The following TSPAN9 variants were observed in gnomAD, a reference collection of about 807,000 sequenced individuals.
The protein encoded by TSPAN9 is tetraspanin-9.
Under a neutral mutation model 31.0 loss-of-function variants are expected in TSPAN9, and 16 were observed. The ratio of observed to expected loss-of-function variants is 0.52; its 90% CI spans 0.35 to 0.78. The LOEUF is 0.78. TSPAN9 is among the 30% of genes least tolerant of loss of function. TSPAN9 has a pLI of 0.01. For missense variants in TSPAN9, 272 were observed against 312.5 expected, an observed-to-expected ratio of 0.87 and a Z score of 0.98; for synonymous variants, 145 against 121.6, an observed-to-expected ratio of 1.19 and a Z score of -1.27.
intron 2 of TSPAN9, among the ~76,000 whole-genome samples, chr12:3,182,278 AT>A (rs2098358898): frequency 6.6e-6 from 1 of 151,710 alleles, no homozygotes; most frequent in African/African-American, 2.4e-5. Flanking sequence ...GAAACTGCTA[AT>A]TTGCTAATTC....
chr12:3,266,719 C>T (rs564531346), intron 3 of TSPAN9, among the ~76,000 whole-genome samples: 25 of 152,310 alleles, frequency 1.6e-4, no homozygotes, highest in South Asian at 6.2e-4. Flanking sequence ...GAGAGACCTG[C>T]GCTGAGCCAT....
intron 3 of TSPAN9, among the ~76,000 whole-genome samples, chr12:3,269,877 CT>C (rs1862640771): frequency 6.6e-6 from 1 of 152,244 alleles, no homozygotes; most frequent in Admixed American, 6.5e-5. Flanking sequence ...CCAGGATGGG[CT>C]TGATTGGGAA....
intron 2 of TSPAN9, among the ~76,000 whole-genome samples, chr12:3,133,027 C>G (rs1396017283): frequency 6.6e-6 from 1 of 152,216 alleles, no homozygotes; most frequent in African/African-American, 2.4e-5. Flanking sequence ...TGGAGTATGA[C>G]TTGAAGGCAC....
At chr12:3,220,586 G>C (rs923619828) in intron 3 of TSPAN9, among the ~76,000 whole-genome samples, 2 of 152,240 alleles carry the variant, frequency 1.3e-5, no homozygotes, top group African/African-American at 2.4e-5. Flanking sequence ...GTGGAGGCAT[G>C]GGAGAGGTCT....
intron 2 of TSPAN9, among the ~76,000 whole-genome samples, chr12:3,102,182 A>G (rs2098312155): frequency 6.6e-6 from 1 of 151,430 alleles, no homozygotes; most frequent in Non-Finnish European, 1.5e-5. Flanking sequence ...GGACTACTGT[A>G]GTGTGATCAT....
intron 2 of TSPAN9, among the ~76,000 whole-genome samples, chr12:3,186,897 G>A (rs988658674): frequency 1.3e-5 from 2 of 152,198 alleles, no homozygotes; most frequent in Non-Finnish European, 2.9e-5. Flanking sequence ...GAGGGAGGGA[G>A]ATGGGTTTGT....
At chr12:3,087,007 G>A (rs2098300867) in intron 2 of TSPAN9, among the ~76,000 whole-genome samples, 1 of 152,214 alleles carries the variant, frequency 6.6e-6, no homozygotes, top group African/African-American at 2.4e-5. Context: ...CAGGGAGAGG[G>A]CCTCTGAGGA....
chr12:3,145,743 G>T (rs910569296), intron 2 of TSPAN9, among the ~76,000 whole-genome samples: 1 of 152,250 alleles, frequency 6.6e-6, no homozygotes, highest in Non-Finnish European at 1.5e-5. Flanking sequence ...ATCCGCCAAG[G>T]TGATGCATGA....
intron 3 of TSPAN9, among the ~76,000 whole-genome samples, chr12:3,228,106 T>A (rs1046136310): frequency 7.2e-5 from 11 of 152,198 alleles, no homozygotes; most frequent in African/African-American, 2.7e-4. Flanking sequence ...CCCATCACTT[T>A]GGAAGGCCGA....
chr12:3,176,078 A>T (rs2098355397), intron 2 of TSPAN9, among the ~76,000 whole-genome samples: 1 of 152,164 alleles, frequency 6.6e-6, no homozygotes, highest in Non-Finnish European at 1.5e-5. Context: ...TCCCTACCTG[A>T]AGTGGCTCTC....
chr12:3,200,199 A>C (rs1284287324), intron 2 of TSPAN9: 1 of 152,280 alleles, frequency 6.6e-6, no homozygotes, highest in East Asian at 1.9e-4. Context: ...TAATCCCATT[A>C]AAGATAGTGT....
intron 2 of TSPAN9, among the ~76,000 whole-genome samples, chr12:3,116,911 T>G (rs1182770321): frequency 6.6e-6 from 1 of 152,136 alleles, no homozygotes; most frequent in Admixed American, 6.5e-5. Context: ...TTGGTGGTTG[T>G]TTGTTGTTTC....
At chr12:3,274,491 G>T (rs1329832527) in intron 3 of TSPAN9, among the ~76,000 whole-genome samples, 3 of 152,184 alleles carry the variant, frequency 2.0e-5, no homozygotes, top group Non-Finnish European at 4.4e-5. Flanking sequence ...GGCAGTGGGG[G>T]CCGTGATCTG....
chr12:3,140,694 A>C (rs909235209), intron 2 of TSPAN9, among the ~76,000 whole-genome samples: 1 of 152,052 alleles, frequency 6.6e-6, no homozygotes, highest in Admixed American at 6.5e-5. Flanking sequence ...TGGGAAGTCA[A>C]AGGGTAGTTT....
At chr12:3,114,386 C>G (rs1453516668) in intron 2 of TSPAN9, among the ~76,000 whole-genome samples, 1 of 152,082 alleles carries the variant, frequency 6.6e-6, no homozygotes, top group Non-Finnish European at 1.5e-5. Context: ...CTGTATTTGG[C>G]CCACAGACTG....
intron 3 of TSPAN9, among the ~76,000 whole-genome samples, chr12:3,269,131 T>TCC (rs1245062276): frequency 3.8e-5 from 4 of 104,546 alleles, no homozygotes; most frequent in East Asian, 6.9e-4. Flanking sequence ...CAGCCTGCCC[T>TCC]CTGTGCGTTC....
chr12:3,228,700 G>T (rs2098389146), intron 3 of TSPAN9, among the ~76,000 whole-genome samples: 1 of 152,358 alleles, frequency 6.6e-6, no homozygotes, highest in African/African-American at 2.4e-5. Context: ...TTGCTGGGAG[G>T]TATCTTGGCA....
chr12:3,202,861 C>G (rs1447185208), intron 3 of TSPAN9, among the ~76,000 whole-genome samples: 1 of 152,194 alleles, frequency 6.6e-6, no homozygotes, highest in Non-Finnish European at 1.5e-5. Flanking sequence ...CATTCTTTTT[C>G]TGGTGGCAAG....
At chr12:3,112,177 C>CTTTTT (rs138645701) in intron 2 of TSPAN9, among the ~76,000 whole-genome samples, 1 of 115,642 alleles carries the variant, frequency 8.6e-6, no homozygotes, top group Non-Finnish European at 1.8e-5. Context: ...TGTAATGTTC[C>CTTTTT]TTTTTTTTTT....
Sources: allele counts gnomAD v4.1 joint callset (sites outside exome capture counted in the v4.1 genomes callset), GRCh38; gene constraint gnomAD v4.1.1; transcripts MANE v1.5; gene names NCBI Gene and HGNC (gene_info 2026-07-23, HGNC 2026-07-21).